Variants in NPAS3 observed in about 807,000 individuals in gnomAD.
NPAS3 encodes the protein neuronal PAS domain protein 3, also known as neuronal PAS domain-containing protein 3.
In NPAS3, 14 loss-of-function variants were observed where a neutral mutation model predicts 73.1. The observed-to-expected ratio is 0.19, with a 90% CI of 0.13 to 0.30. NPAS3 has a LOEUF of 0.30. Among genes scored for constraint, NPAS3 ranks in the 10% least tolerant of loss-of-function variants. NPAS3 has a pLI of 1.00. For missense variants in NPAS3, 1,096 were observed against 1,250.0 expected (o/e 0.88, Z 1.86); for synonymous variants, 620 against 541.5 (o/e 1.14, Z -2.01).
intron 4 of NPAS3, among the ~76,000 whole-genome samples, chr14:33,526,492 T>C (rs1374602494): frequency 6.6e-6 from 1 of 151,960 alleles, no homozygotes; most frequent in African/African-American, 2.4e-5. Flanking sequence ...GTATGTATAC[T>C]GGGCTCTTAC....
chr14:33,555,894 GTC>G (rs201274592), intron 4 of NPAS3, among the ~76,000 whole-genome samples: 259 of 148,660 alleles, frequency 1.7e-3, no homozygotes, highest in Non-Finnish European at 2.7e-3. Flanking sequence ...TTGTTGGTGT[GTC>G]TGTGTGTGTG....
chr14:33,012,286 C>A (rs2039232361), intron 1 of NPAS3, among the ~76,000 whole-genome samples: 1 of 152,068 alleles, frequency 6.6e-6, no homozygotes, highest in African/African-American at 2.4e-5. Flanking sequence ...AATTGAGACC[C>A]CTACTTGCAC....
At chr14:33,531,453 T>G (rs1007004108) in intron 4 of NPAS3, among the ~76,000 whole-genome samples, 1 of 152,136 alleles carries the variant, frequency 6.6e-6, no homozygotes, top group African/African-American at 2.4e-5. Context: ...TGATACAGTA[T>G]GTAAGCTTTC....
intron 7 of NPAS3, among the ~76,000 whole-genome samples, chr14:33,764,537 G>A (rs553090989): frequency 2.0e-5 from 3 of 152,342 alleles, no homozygotes; most frequent in African/African-American, 7.2e-5. Flanking sequence ...GTGCTAAGTA[G>A]GGGGAGTAGG....
chr14:33,774,266 T>G, intron 7 of NPAS3, 71 bp from the exon 8 acceptor site: 1 of 1,270,482 alleles, frequency 7.9e-7, no homozygotes, highest in Non-Finnish European at 1.1e-6. Flanking sequence ...ATTTTGCATT[T>G]CTCATAAGAA....
intron 1 of NPAS3, among the ~76,000 whole-genome samples, chr14:32,941,290 T>C (rs1218958008): frequency 5.8e-5 from 2 of 34,688 alleles, no homozygotes; most frequent in African/African-American, 2.7e-4. Flanking sequence ...CCTCCCTCCC[T>C]CCCTCCCTCC....
chr14:33,284,604 C>T (rs1470794851), intron 3 of NPAS3, among the ~76,000 whole-genome samples: 14 of 152,110 alleles, frequency 9.2e-5, no homozygotes. Context: ...GAAGACAACT[C>T]ATTACCTTCA....
At chr14:33,283,239 T>G (rs1488456098) in intron 3 of NPAS3, among the ~76,000 whole-genome samples, 2 of 152,220 alleles carry the variant, frequency 1.3e-5, no homozygotes, top group Admixed American at 1.3e-4. Flanking sequence ...TAAGGTCATC[T>G]AGGGCCCAAG....
chr14:33,216,524 G>A (rs2047230767), intron 3 of NPAS3, among the ~76,000 whole-genome samples: 1 of 152,164 alleles, frequency 6.6e-6, no homozygotes, highest in South Asian at 2.1e-4. Context: ...CACATTAGAG[G>A]TGGAAAATGA....
intron 4 of NPAS3, among the ~76,000 whole-genome samples, chr14:33,490,985 G>A (rs2051866907): frequency 6.6e-6 from 1 of 152,176 alleles, no homozygotes; most frequent in African/African-American, 2.4e-5. Context: ...AGCAGCAGCA[G>A]CAACAGCAAC....
At chr14:33,549,963 C>T (rs1281431598) in intron 4 of NPAS3, among the ~76,000 whole-genome samples, 1 of 152,134 alleles carries the variant, frequency 6.6e-6, no homozygotes, top group African/African-American at 2.4e-5. Context: ...TCCAGTTTCT[C>T]TTTTCACTTT....
chr14:32,971,044 A>G (rs2037398730), intron 1 of NPAS3, among the ~76,000 whole-genome samples: 1 of 151,892 alleles, frequency 6.6e-6, no homozygotes, highest in African/African-American at 2.4e-5. Flanking sequence ...TGTGGCAATT[A>G]AGATTGGACT....
chr14:33,494,343 G>A lies in NPAS3; in HGVS notation c.469-65778G>A, dbSNP rs545112557. 6.3e-4 allele frequency among the ~76,000 whole-genome samples: 96 copies of A among 152,226 alleles called. 1 individual carries two copies. Among genetic ancestry groups the A allele is most frequent in the African/African-American group, 1.7e-3 (71 of 41,554 alleles). ...GCATAGAAAAACACCTGTTAGCCCC[G>A]CTGTGTCCATTTTTTTAATGTGCAT... On this transcript the variant is annotated intron_variant, in intron 4 of 11. Coordinates refer to ENST00000356141, the Ensembl canonical transcript of NPAS3.
At chr14:33,221,078 G>A (rs1434659235) in intron 3 of NPAS3, among the ~76,000 whole-genome samples, 2 of 152,212 alleles carry the variant, frequency 1.3e-5, no homozygotes, top group Non-Finnish European at 2.9e-5. Flanking sequence ...TCTGCTTTGT[G>A]CTACAGCTCT....
At chr14:33,459,068 C>T (rs1009027117) in intron 4 of NPAS3, among the ~76,000 whole-genome samples, 3 of 152,180 alleles carry the variant, frequency 2.0e-5, no homozygotes, top group Non-Finnish European at 2.9e-5. Flanking sequence ...CCTTTTTAGA[C>T]CATATAGGGT....
chr14:33,634,947 T>C (rs889622988), intron 5 of NPAS3, among the ~76,000 whole-genome samples: 1 of 152,304 alleles, frequency 6.6e-6, no homozygotes, highest in South Asian at 2.1e-4. Context: ...TACTGAATCA[T>C]AATTTCCGAA....
chr14:33,099,478 GA>G (rs879325200), intron 2 of NPAS3, among the ~76,000 whole-genome samples: 8 of 150,454 alleles, frequency 5.3e-5, no homozygotes, highest in South Asian at 4.2e-4. Context: ...TGTAATGAAG[GA>G]AAAAAAAATG....
intron 1 of NPAS3, among the ~76,000 whole-genome samples, chr14:32,970,637 G>A (rs778483826): frequency 6.6e-6 from 1 of 152,060 alleles, no homozygotes; most frequent in South Asian, 2.1e-4. Context: ...TCAAGGTGTC[G>A]GGATCATTAA....
chr14:33,370,362 A>G (rs2046033489), intron 4 of NPAS3, among the ~76,000 whole-genome samples: 1 of 152,200 alleles, frequency 6.6e-6, no homozygotes, highest in Admixed American at 6.5e-5. Context: ...AGAATATTCC[A>G]ACCAAAGGGT....
Sources: gnomAD v4.1 joint callset for allele counts (sites outside exome capture counted in the v4.1 genomes callset) on GRCh38, gnomAD v4.1.1 for gene constraint, MANE v1.5 for transcripts, NCBI Gene and HGNC (gene_info 2026-07-23, HGNC 2026-07-21) for gene names.